Variants in BCR observed in about 807,000 individuals in gnomAD.
BCR encodes BCR activator of RhoGEF and GTPase.
BCR carries 58 observed loss-of-function variants against 138.6 expected under a neutral mutation model. The ratio of observed to expected loss-of-function variants is 0.42; its 90% CI spans 0.34 to 0.52. The LOEUF is 0.52. BCR is among the 20% of genes least tolerant of loss of function. The pLI is 0.06. For missense variants in BCR, 1,599 were observed against 1,727.2 expected (o/e 0.93, Z 1.32); for synonymous variants, 786 against 730.1 (o/e 1.08, Z -1.23).
chr22:23,304,446 A>G (rs2146321899), intron 16 of BCR, among the ~76,000 whole-genome samples: 1 of 152,270 alleles, frequency 6.6e-6, no homozygotes, highest in Middle Eastern at 3.4e-3. Context: ...TTTCCATTGC[A>G]TACATATAAC....
intron 1 of BCR, among the ~76,000 whole-genome samples, chr22:23,207,566 T>C (rs982192251): frequency 6.6e-6 from 1 of 152,164 alleles, no homozygotes; most frequent in Non-Finnish European, 1.5e-5. Flanking sequence ...GAGGCTACAT[T>C]GAGCTGTGAT....
intron 16 of BCR, among the ~76,000 whole-genome samples, chr22:23,299,155 C>A (rs552062121): frequency 6.6e-6 from 1 of 152,270 alleles, no homozygotes; most frequent in South Asian, 2.1e-4. Flanking sequence ...CGCCACCACA[C>A]CCAGCTAATT....
chr22:23,311,766 G>A lies in BCR; in HGVS notation c.3252G>A (p.Glu1084=), dbSNP rs141727669. 1.2e-4 allele frequency: 192 copies of A among 1,611,802 alleles called. No homozygotes were observed. In the African/African-American group the frequency reaches 2.2e-3, roughly 18 times the overall value. The change falls in exon 19 of 23, where the codon GAG becomes GAA. Residue 1084 remains glutamate, a synonymous_variant. Transcript: ENST00000305877. ...AGGAGATCGAGCGCCGAGGCATGGA[G>A]GAGGTGGGCATCTACCGCGTGTCCG... is the stretch of plus-strand genomic sequence containing the variant. ...CVEEIERRGM[E]EVGIYRVSGV... is the part of the protein sequence containing the mutation.
chr22:23,222,713 G>T (rs1209494375), intron 1 of BCR, among the ~76,000 whole-genome samples: 1 of 152,192 alleles, frequency 6.6e-6, no homozygotes, highest in Non-Finnish European at 1.5e-5. Context: ...GTGAAGCTGA[G>T]TTCAAGAGCC....
chr22:23,206,177 C>T (rs1400110314), intron 1 of BCR, among the ~76,000 whole-genome samples: 1 of 152,208 alleles, frequency 6.6e-6, no homozygotes, highest in Non-Finnish European at 1.5e-5. Flanking sequence ...TGAAACAAGG[C>T]TGGCCATGAG....
chr22:23,314,481 A>ACAGCC, intron 21 of BCR, 71 bp from the exon 22 acceptor site: 1 of 1,563,676 alleles, frequency 6.4e-7, no homozygotes, highest in Non-Finnish European at 8.8e-7. Flanking sequence ...GAACTCCAGC[A>ACAGCC]CAGCCCAGCC....
intron 1 of BCR, among the ~76,000 whole-genome samples, chr22:23,188,742 A>G (rs1473590508): frequency 6.6e-6 from 1 of 151,504 alleles, no homozygotes; most frequent in Non-Finnish European, 1.5e-5. Context: ...TGACTGGAAT[A>G]CAACTGTTGT....
At chr22:23,275,316 C>G (rs951180587) in intron 8 of BCR, among the ~76,000 whole-genome samples, 1 of 152,256 alleles carries the variant, frequency 6.6e-6, no homozygotes, top group Non-Finnish European at 1.5e-5. Context: ...GACCGACCCA[C>G]TGGGTGGCCT....
At chr22:23,182,655 C>T (rs1377280482) in intron 1 of BCR, among the ~76,000 whole-genome samples, 2 of 152,180 alleles carry the variant, frequency 1.3e-5, no homozygotes, top group African/African-American at 2.4e-5. Flanking sequence ...TTAGCAGGGA[C>T]TGATTTATGT....
chr22:23,285,684 G>A (rs549779370), intron 10 of BCR, among the ~76,000 whole-genome samples: 1 of 152,296 alleles, frequency 6.6e-6, no homozygotes, highest in Non-Finnish European at 1.5e-5. Context: ...ACACCTCCTA[G>A]TTTTTCGGAA....
intron 10 of BCR, 127 bp from the exon 11 acceptor site, chr22:23,287,032 C>A: frequency 6.7e-7 from 1 of 1,491,822 alleles, no homozygotes; most frequent in Non-Finnish European, 9.0e-7. Context: ...CTGGTCTGTG[C>A]TGAGTGGAGA....
intron 17 of BCR, chr22:23,310,037 G>C: frequency 2.3e-6 from 1 of 442,478 alleles, no homozygotes; most frequent in South Asian, 2.1e-5. Flanking sequence ...ATTACAGCCT[G>C]GGCAACATTG....
chr22:23,314,949 G>T (rs1256816671), intron 22 of BCR, among the ~76,000 whole-genome samples: 1 of 152,260 alleles, frequency 6.6e-6, no homozygotes, highest in East Asian at 1.9e-4. Flanking sequence ...AAGTGTTCGG[G>T]TGTGGTGGCT....
At chr22:23,313,740 T>A (rs1161265527) in intron 20 of BCR, among the ~76,000 whole-genome samples, 4 of 152,146 alleles carry the variant, frequency 2.6e-5, no homozygotes, top group African/African-American at 9.7e-5. Flanking sequence ...TGCTGCTGTT[T>A]GCCGGGTGCT....
chr22:23,261,731 CTT>C (rs370187627), intron 4 of BCR, 191 bp downstream of exon 4: 3,069 of 301,848 alleles, frequency 0.01, 1 homozygote, highest in Middle Eastern at 0.029. Context: ...CATGCCCAGC[CTT>C]TTTTTTTTTT....
At chr22:23,261,194 A>C in intron 3 of BCR, 140 bp downstream of exon 3, 1 of 1,209,720 alleles carries the variant, frequency 8.3e-7, no homozygotes, top group Non-Finnish European at 1.2e-6. Flanking sequence ...CCAGTGGAAG[A>C]CTGAGTTGCC....
chr22:23,234,012 A>G (rs891956739), intron 1 of BCR, among the ~76,000 whole-genome samples: 5 of 151,914 alleles, frequency 3.3e-5, no homozygotes, highest in African/African-American at 9.7e-5. Flanking sequence ...CTCAGCCTGT[A>G]TACCCTGCAG....
At chr22:23,224,223 G>T (rs889409171) in intron 1 of BCR, among the ~76,000 whole-genome samples, 1 of 152,190 alleles carries the variant, frequency 6.6e-6, no homozygotes, top group Non-Finnish European at 1.5e-5. Context: ...GCCTGAATTG[G>T]TTTTTTGCAC....
chr22:23,184,321 G>T (rs113969667), intron 1 of BCR, among the ~76,000 whole-genome samples: 7 of 152,142 alleles, frequency 4.6e-5, no homozygotes, highest in African/African-American at 1.4e-4. Flanking sequence ...AAACTCCTGG[G>T]CTCAAGCATT....
Sources: gnomAD v4.1 joint callset for allele counts (sites outside exome capture counted in the v4.1 genomes callset) on GRCh38, gnomAD v4.1.1 for gene constraint, MANE v1.5 for transcripts, NCBI Gene and HGNC (gene_info 2026-07-23, HGNC 2026-07-21) for gene names.